SUCLG2: variants seen among roughly 807,000 people sequenced by gnomAD.
SUCLG2 encodes the protein succinate-CoA ligase GDP-forming subunit beta.
Under a neutral mutation model 47.9 loss-of-function variants are expected in SUCLG2, and 42 were observed. The ratio of observed to expected loss-of-function variants is 0.88; its 90% CI spans 0.69 to 1.14. The LOEUF is 1.14. Among genes scored for constraint, SUCLG2 ranks in the 50% most tolerant of loss-of-function variants. The probability of loss-of-function intolerance (pLI) is 0.00; values close to 1 mark genes in which losing one functional copy is unlikely to be tolerated. For synonymous variants in SUCLG2, 195 were observed against 197.3 expected, an observed-to-expected ratio of 0.99 and a Z score of 0.10; for missense variants, 571 against 525.9, an observed-to-expected ratio of 1.09 and a Z score of -0.84.
chr3:67,565,132 G>A (rs1039503605), intron 2 of SUCLG2, among the ~76,000 whole-genome samples: 2 of 152,148 alleles, frequency 1.3e-5, no homozygotes, highest in Non-Finnish European at 2.9e-5. Flanking sequence ...TATGTGCTAC[G>A]TGCTGGTCAC....
At chr3:67,550,817 G>C (rs973324396) in intron 2 of SUCLG2, among the ~76,000 whole-genome samples, 5 of 151,300 alleles carry the variant, frequency 3.3e-5, no homozygotes, top group Non-Finnish European at 7.4e-5. Context: ...TTGGCCAAGT[G>C]AATAGAGCCT....
At chr3:67,601,937 G>A (rs978944857) in intron 2 of SUCLG2, among the ~76,000 whole-genome samples, 8 of 151,904 alleles carry the variant, frequency 5.3e-5, no homozygotes, top group South Asian at 2.1e-4. Flanking sequence ...AGCTAAGATC[G>A]CACCCCCCAA....
chr3:67,371,066 T>C (rs1041857045), downstream of SUCLG2, among the ~76,000 whole-genome samples: 4 of 152,208 alleles, frequency 2.6e-5, no homozygotes, highest in African/African-American at 9.7e-5. Context: ...TTTCTCCCAT[T>C]GTCTGATGTT....
At chr3:67,483,005 A>T (rs1704957306) in intron 9 of SUCLG2, among the ~76,000 whole-genome samples, 1 of 152,170 alleles carries the variant, frequency 6.6e-6, no homozygotes, top group Non-Finnish European at 1.5e-5. Context: ...AGCTGGAAGA[A>T]AAATAATTAA....
chr3:67,391,053 T>C (rs1702369133), intron 10 of SUCLG2, among the ~76,000 whole-genome samples: 2 of 152,190 alleles, frequency 1.3e-5, no homozygotes, highest in Non-Finnish European at 2.9e-5. Flanking sequence ...CTTAGCCAAA[T>C]CTTCTCAATT....
intron 6 of SUCLG2, among the ~76,000 whole-genome samples, chr3:67,515,316 G>A (rs910786398): frequency 1.3e-5 from 2 of 152,150 alleles, no homozygotes; most frequent in Admixed American, 1.3e-4. Context: ...GGCATCCACT[G>A]GAAGTCTTGG....
intron 10 of SUCLG2, among the ~76,000 whole-genome samples, chr3:67,381,571 A>G (rs1702158830): frequency 6.6e-6 from 1 of 152,206 alleles, no homozygotes; most frequent in Non-Finnish European, 1.5e-5. Context: ...TATTTATTAA[A>G]TGCTACATTG....
intron 1 of SUCLG2, among the ~76,000 whole-genome samples, chr3:67,619,495 G>A (rs1018241134): frequency 2.6e-5 from 4 of 152,180 alleles, no homozygotes; most frequent in Non-Finnish European, 5.9e-5. Flanking sequence ...GTCAACTGGG[G>A]CAAAAGAAGC....
intron 9 of SUCLG2, among the ~76,000 whole-genome samples, chr3:67,444,384 G>A (rs1289678918): frequency 2.2e-5 from 1 of 45,966 alleles, no homozygotes; most frequent in Non-Finnish European, 4.6e-5. Context: ...GGAGGGAGGT[G>A]GGGGGGTCAG....
downstream of SUCLG2, among the ~76,000 whole-genome samples, chr3:67,373,318 TAGA>T (rs1287384937): frequency 6.6e-6 from 1 of 152,098 alleles, no homozygotes; most frequent in Non-Finnish European, 1.5e-5. Context: ...AAATAAAATG[TAGA>T]AGAATTGTAA....
intron 9 of SUCLG2, among the ~76,000 whole-genome samples, chr3:67,436,697 G>A (rs1164364064): frequency 2.0e-5 from 3 of 152,058 alleles, no homozygotes; most frequent in Non-Finnish European, 2.9e-5. Flanking sequence ...AAATTTACCA[G>A]TATTTTTGTA....
intron 1 of SUCLG2, among the ~76,000 whole-genome samples, chr3:67,619,729 G>A (rs1227445740): frequency 2.0e-5 from 3 of 152,188 alleles, no homozygotes; most frequent in African/African-American, 7.2e-5. Context: ...ACACTTTGTA[G>A]TAATGACAAA....
intron 10 of SUCLG2, among the ~76,000 whole-genome samples, chr3:67,391,636 G>C (rs976255103): frequency 1.3e-5 from 2 of 152,154 alleles, no homozygotes; most frequent in Non-Finnish European, 2.9e-5. Context: ...GAGTAGCTTT[G>C]AAAACATTTT....
At chr3:67,382,806 A>T (rs1349425743) in intron 10 of SUCLG2, among the ~76,000 whole-genome samples, 2 of 152,112 alleles carry the variant, frequency 1.3e-5, no homozygotes, top group African/African-American at 4.8e-5. Flanking sequence ...CCTCTGCTGG[A>T]AGTAACTGAG....
At chr3:67,409,033 T>C (rs1487364056) in intron 9 of SUCLG2, 1 of 1,535,264 alleles carries the variant, frequency 6.5e-7, no homozygotes, top group Admixed American at 2.0e-5. Flanking sequence ...CAAATTTTGC[T>C]GCTGAATTAA....
intron 9 of SUCLG2, among the ~76,000 whole-genome samples, chr3:67,465,641 T>C (rs2106968914): frequency 6.6e-6 from 1 of 152,236 alleles, no homozygotes; most frequent in South Asian, 2.1e-4. Context: ...CAATCTTCCT[T>C]CCCTCTCTCC....
chr3:67,389,953 T>G (rs923320005), intron 10 of SUCLG2, among the ~76,000 whole-genome samples: 4 of 152,192 alleles, frequency 2.6e-5, no homozygotes, highest in African/African-American at 7.2e-5. Context: ...CGGGTCTCCA[T>G]CATCCCAGTA....
At chr3:67,425,404 G>A (rs1387798576) in intron 9 of SUCLG2, among the ~76,000 whole-genome samples, 1 of 152,102 alleles carries the variant, frequency 6.6e-6, no homozygotes, top group African/African-American at 2.4e-5. Context: ...TTATTTCTGA[G>A]GGTGTCTGAG....
At chr3:67,492,156 C>T (rs905688842) in intron 9 of SUCLG2, among the ~76,000 whole-genome samples, 1 of 152,180 alleles carries the variant, frequency 6.6e-6, no homozygotes, top group African/African-American at 2.4e-5. Context: ...GGTGCCTTTA[C>T]TAATGCCAAT....
Sources: gnomAD v4.1 joint callset for allele counts (sites outside exome capture counted in the v4.1 genomes callset) on GRCh38, gnomAD v4.1.1 for gene constraint, MANE v1.5 for transcripts, NCBI Gene and HGNC (gene_info 2026-07-23, HGNC 2026-07-21) for gene names.